The following TNIK variants were observed in gnomAD, a reference collection of about 807,000 sequenced individuals.
TNIK encodes TRAF2 and NCK interacting kinase, also known as TRAF2 and NCK-interacting protein kinase.
In TNIK, 49 loss-of-function variants were observed where a neutral mutation model predicts 191.3. That is an observed-to-expected ratio of 0.26 (90% confidence interval 0.20 to 0.32). TNIK has a LOEUF of 0.32. Among genes scored for constraint, TNIK ranks in the 10% least tolerant of loss-of-function variants. TNIK has a pLI of 1.00. For synonymous variants in TNIK, 594 were observed against 600.9 expected (o/e 0.99, Z 0.17); for missense variants, 1,155 against 1,702.3 (o/e 0.68, Z 5.66).
At chr3:171,219,343 T>C (rs1022605881) in intron 3 of TNIK, among the ~76,000 whole-genome samples, 1 of 146,058 alleles carries the variant, frequency 6.8e-6, no homozygotes, top group South Asian at 2.1e-4. Context: ...TATATATCAT[T>C]TTATATATAA....
chr3:171,192,703 G>A (rs778185618), intron 5 of TNIK, among the ~76,000 whole-genome samples: 4 of 152,146 alleles, frequency 2.6e-5, no homozygotes, highest in Non-Finnish European at 5.9e-5. Context: ...GCCACTGAGT[G>A]GTCAGGATGA....
rs1363681253 is a variant in TNIK, at chr3:171,087,324, C to T, written c.2886+18G>A. The stretch of plus-strand genomic sequence containing the variant: ...AAGGACAGCAGAACTGTCATGTCAG[C>T]TGTTGCCCAGCACCTACTTCAGTCC... On this transcript the variant is annotated intron_variant, in intron 24 of 32. Coordinates refer to ENST00000436636, the MANE Select transcript of TNIK (RefSeq NM_015028.4). 1.2e-6 allele frequency: 2 copies of T among 1,613,390 alleles called. No homozygotes were observed. The highest frequency in any genetic ancestry group is 1.7e-6 in the Non-Finnish European group (2 of 1,179,638).
intron 29 of TNIK, 75 bp downstream of exon 29, chr3:171,071,139 TTGGTCTATA>T: frequency 2.2e-6 from 2 of 926,972 alleles, no homozygotes; most frequent in Non-Finnish European, 3.1e-6. Context: ...AAAATTGGTA[TTGGTCTATA>T]TGGACTATTT....
intron 17 of TNIK, among the ~76,000 whole-genome samples, chr3:171,124,906 T>C (rs1360970258): frequency 6.6e-6 from 1 of 152,234 alleles, no homozygotes; most frequent in Non-Finnish European, 1.5e-5. Flanking sequence ...GCCCACTTTA[T>C]TTTTCATATT....
At position 171,070,026 on chromosome 3, in the gene TNIK, C is replaced by T. The variant is rs200068142; in HGVS notation, c.3550-1029G>A. On this transcript the variant is annotated intron_variant, in intron 29 of 32. Coordinates refer to ENST00000436636, the MANE Select transcript of TNIK (RefSeq NM_015028.4). ...ACATTTTGCACTCTCTCATGTGTCTCTGGGTCATAAAATAATGGCAATAAC... is the reference window on the plus strand; with the variant it reads ...ACATTTTGCACTCTCTCATGTGTCTTTGGGTCATAAAATAATGGCAATAAC... 2.5e-4 allele frequency among the ~76,000 whole-genome samples: 38 copies of T among 152,282 alleles called. No individual in the cohort carries two copies. The East Asian group carries it at 6.4e-3, about 26-fold the overall frequency.
chr3:171,406,352 G>A (rs1171182055), intron 1 of TNIK, among the ~76,000 whole-genome samples: 1 of 152,172 alleles, frequency 6.6e-6, no homozygotes, highest in Non-Finnish European at 1.5e-5. Context: ...CAGGAATTGA[G>A]AAGAACCCAG....
At chr3:171,137,385 G>C (rs1206760437) in intron 15 of TNIK, among the ~76,000 whole-genome samples, 3 of 151,732 alleles carry the variant, frequency 2.0e-5, no homozygotes, top group Non-Finnish European at 4.4e-5. Flanking sequence ...GACCAGCTAT[G>C]ATCACCATAA....
chr3:171,215,224 C>T (rs576271205), intron 3 of TNIK, among the ~76,000 whole-genome samples: 1 of 152,220 alleles, frequency 6.6e-6, no homozygotes, highest in South Asian at 2.1e-4. Flanking sequence ...AGGCAGTTTT[C>T]AAATGCAAGG....
At chr3:171,384,708 TGGCCC>T (rs1718501289) in intron 1 of TNIK, among the ~76,000 whole-genome samples, 2 of 152,236 alleles carry the variant, frequency 1.3e-5, no homozygotes, top group South Asian at 4.1e-4. Context: ...TGGCATGAGC[TGGCCC>T]TCAAGTGACA....
chr3:171,087,916 G>A (rs1721576436), intron 23 of TNIK, among the ~76,000 whole-genome samples: 1 of 152,160 alleles, frequency 6.6e-6, no homozygotes, highest in African/African-American at 2.4e-5. Context: ...CCACACAACA[G>A]ATAAACGACC....
intron 28 of TNIK, among the ~76,000 whole-genome samples, chr3:171,075,046 T>C (rs1719717359): frequency 6.6e-6 from 1 of 152,194 alleles, no homozygotes. Flanking sequence ...GATGTGCAGG[T>C]CAAATAGGAT....
Position 171,365,807 on chromosome 3 carries a change from T to C in TNIK, c.123+3813A>G, listed in dbSNP as rs576607881. 4.6e-5 allele frequency among the ~76,000 whole-genome samples: 7 copies of C among 152,290 alleles called. No homozygotes were observed. In the South Asian group the frequency reaches 1.4e-3, roughly 32 times the overall value. On this transcript the variant is annotated intron_variant, in intron 2 of 32. Transcript: ENST00000436636. ...ATAGCCACCACGACGGCCTCCCTAC[T>C]TTGCACTTTACAACCTTAAGAAGTA...
chr3:171,167,735 G>A (rs748013560), intron 9 of TNIK, among the ~76,000 whole-genome samples: 7 of 152,154 alleles, frequency 4.6e-5, no homozygotes, highest in Admixed American at 3.3e-4. Flanking sequence ...ACACTGAGGT[G>A]AGCCACTTAA....
chr3:171,245,516 G>GC (rs1745491910), intron 2 of TNIK, among the ~76,000 whole-genome samples: 1 of 151,544 alleles, frequency 6.6e-6, no homozygotes, highest in Non-Finnish European at 1.5e-5. Flanking sequence ...TGATTAAAGG[G>GC]CCAGAGTTAC....
chr3:171,211,224 G>T lies in TNIK; in HGVS notation c.198C>A (p.Ile66=). 1 of 1,610,188 alleles carries T rather than the reference G, an allele frequency of 6.2e-7. No individual in the cohort carries two copies. The highest frequency in any genetic ancestry group is 1.1e-5 in the South Asian group (1 of 90,592). ...MDVTGDEEEE[I]KQEINMLKKY... Reference sequence around the variant, plus strand: ...TCTTCAACATGTTAATTTCTTGTTTGATTTCTTCCTCTTCATCCTGTATGA... The same window carrying T: ...TCTTCAACATGTTAATTTCTTGTTTTATTTCTTCCTCTTCATCCTGTATGA... The change falls in exon 4 of 33, where the codon ATC becomes ATA. Residue 66 remains isoleucine, a synonymous_variant. Transcript: ENST00000436636.
intron 2 of TNIK, among the ~76,000 whole-genome samples, chr3:171,346,543 A>G (rs1434591341): frequency 6.6e-6 from 1 of 152,148 alleles, no homozygotes; most frequent in Non-Finnish European, 1.5e-5. Context: ...CTCTGGCCTC[A>G]TGGAGCTTAT....
At chr3:171,124,868 C>T (rs34644754) in intron 17 of TNIK, among the ~76,000 whole-genome samples, 1 of 152,134 alleles carries the variant, frequency 6.6e-6, no homozygotes, top group African/African-American at 2.4e-5. Flanking sequence ...CAGTTTTCAG[C>T]TTTTCCATCT....
At chr3:171,415,270 A>G (rs1405996570) in intron 1 of TNIK, among the ~76,000 whole-genome samples, 1 of 152,152 alleles carries the variant, frequency 6.6e-6, no homozygotes, top group East Asian at 1.9e-4. Context: ...CTACTGTTTC[A>G]TCATAGCACT....
At chr3:171,087,188 C>T (rs981206463) in intron 24 of TNIK, among the ~76,000 whole-genome samples, 154 bp downstream of exon 24, 1 of 152,234 alleles carries the variant, frequency 6.6e-6, no homozygotes, top group Admixed American at 6.5e-5. Context: ...TCCATGATTT[C>T]TCTATTTGAG....
Sources: gnomAD v4.1 joint callset for allele counts (sites outside exome capture counted in the v4.1 genomes callset) on GRCh38, gnomAD v4.1.1 for gene constraint, MANE v1.5 for transcripts, NCBI Gene and HGNC (gene_info 2026-07-23, HGNC 2026-07-21) for gene names.